The following ZNF608 variants were observed in gnomAD, a reference collection of about 807,000 sequenced individuals.
ZNF608 encodes renal carcinoma antigen NY-REN-36.
In ZNF608, 12 loss-of-function variants were observed where a neutral mutation model predicts 109.0. The observed-to-expected ratio is 0.11, with a 90% CI of 0.07 to 0.18. ZNF608 has a LOEUF of 0.18. Ranked by LOEUF, ZNF608 falls within the 10% of genes least tolerant of loss-of-function variation. The pLI is 1.00. For synonymous variants in ZNF608, 732 were observed against 717.4 expected (o/e 1.02, Z -0.33); for missense variants, 1,707 against 1,879.3 (o/e 0.91, Z 1.70).
chr5:124,639,974 TATATAG>T lies in ZNF608; in HGVS notation c.4451-766_4451-761del, dbSNP rs1397605971. ...TTTCTTCTCATATATACTTTATTTATATATAGATATAATGTGTTAGACTAGAAATAA... is the reference window on the plus strand; with the variant it reads ...TTTCTTCTCATATATACTTTATTTATATATAATGTGTTAGACTAGAAATAA... On this transcript the variant is annotated intron_variant, in intron 8 of 9. Transcript: ENST00000513986. Among the ~76,000 whole-genome samples, 3 of 152,304 alleles carry T rather than the reference TATATAG, an allele frequency of 2.0e-5. No homozygotes were observed. The South Asian group carries it at 6.2e-4, about 32-fold the overall frequency.
At chr5:124,682,450 C>G (rs1752237825) in intron 3 of ZNF608, among the ~76,000 whole-genome samples, 1 of 152,160 alleles carries the variant, frequency 6.6e-6, no homozygotes, top group South Asian at 2.1e-4. Context: ...AGAAATGAGT[C>G]AGGAAATAGT....
chr5:124,700,983 C>T (rs187542629), intron 3 of ZNF608, 31 bp downstream of exon 3: 4 of 1,609,292 alleles, frequency 2.5e-6, no homozygotes, highest in Non-Finnish European at 3.4e-6. Context: ...AAGAGGGCAT[C>T]GGGAAATATA....
At chr5:124,739,591 T>C (rs1452511287) in intron 2 of ZNF608, among the ~76,000 whole-genome samples, 5 of 152,212 alleles carry the variant, frequency 3.3e-5, no homozygotes, top group African/African-American at 1.2e-4. Context: ...ATAACCATTA[T>C]AAAGTGTTCA....
At position 124,709,122 on chromosome 5, in the gene ZNF608, G is replaced by T. The variant is rs1292654964; in HGVS notation, c.907-7853C>A. ...GGAGGCGGAGATTGCAGTGGGCCGAGACTGCACCATTGCCCTCCAGCCTGG... is the reference window on the plus strand; with the variant it reads ...GGAGGCGGAGATTGCAGTGGGCCGATACTGCACCATTGCCCTCCAGCCTGG... On this transcript the variant is annotated intron_variant, in intron 2 of 9. Transcript: ENST00000513986. Among the ~76,000 whole-genome samples, 3 of 129,624 alleles carry T rather than the reference G, an allele frequency of 2.3e-5. No individual in the cohort carries two copies. The Admixed American group carries it at 2.9e-4, about 13-fold the overall frequency. The allele number at this position is 129,624 out of a possible 152,430, so 85.0% of individuals were successfully genotyped here. A position where few individuals can be genotyped will look rare whatever the true frequency, so the allele number is the denominator to read the frequency against.
chr5:124,661,528 G>A lies in ZNF608; in HGVS notation c.1163-11831C>T, dbSNP rs147376030. On this transcript the variant is annotated intron_variant, in intron 3 of 9. Coordinates refer to ENST00000513986, the MANE Select transcript of ZNF608 (RefSeq NM_020747.3). ...ACAGAGTTACAAGTATTTCAATAACGTGCTTAGAGACCAGCTCTTTTCTGT... is the reference window on the plus strand; with the variant it reads ...ACAGAGTTACAAGTATTTCAATAACATGCTTAGAGACCAGCTCTTTTCTGT... 1.8e-3 allele frequency among the ~76,000 whole-genome samples: 265 copies of A among 150,600 alleles called. 1 individual carries two copies. The highest frequency in any genetic ancestry group is 7.3e-3 in the South Asian group (35 of 4,768).
intron 2 of ZNF608, 41 bp from the exon 3 acceptor site, chr5:124,701,310 G>A (rs766595807): frequency 2.2e-5 from 35 of 1,603,090 alleles, no homozygotes; most frequent in Non-Finnish European, 2.5e-5. Flanking sequence ...GCTGCATTCC[G>A]TGAATTCCTT....
chr5:124,641,102 T>TA (rs1221585802), intron 8 of ZNF608, 150 bp downstream of exon 8: 1 of 934,320 alleles, frequency 1.1e-6, no homozygotes, highest in Non-Finnish European at 1.7e-6. Context: ...GGAATAGCCT[T>TA]AGCTGTGTCA....
At position 124,745,015 on chromosome 5, in the gene ZNF608, A is replaced by C; in HGVS notation, c.-26T>G. On this transcript the variant is annotated 5_prime_UTR_variant, in exon 2 of 10. Transcript: ENST00000513986. ...CCTGAAGATGAGCTCTCTAGAATAAAAATCCGATGAACTTTTCTTTGGAGA... is the reference window on the plus strand; with the variant it reads ...CCTGAAGATGAGCTCTCTAGAATAACAATCCGATGAACTTTTCTTTGGAGA... 6.4e-7 allele frequency: 1 copy of C among 1,563,064 alleles called. No individual in the cohort carries two copies. The highest frequency in any genetic ancestry group is 8.6e-7 in the Non-Finnish European group (1 of 1,157,482).
intron 3 of ZNF608, among the ~76,000 whole-genome samples, chr5:124,675,536 C>T (rs984171390): frequency 6.6e-6 from 1 of 152,130 alleles, no homozygotes; most frequent in Admixed American, 6.6e-5. Flanking sequence ...TTTTTTATAG[C>T]AATATTGTAT....
intron 3 of ZNF608, among the ~76,000 whole-genome samples, chr5:124,674,888 C>G (rs1289750817): frequency 2.6e-5 from 4 of 152,110 alleles, no homozygotes; most frequent in Non-Finnish European, 4.4e-5. Context: ...GCTAGGATTA[C>G]AGGGGTGAGC....
intron 3 of ZNF608, among the ~76,000 whole-genome samples, chr5:124,669,210 C>G (rs1333790875): frequency 6.6e-6 from 1 of 152,126 alleles, no homozygotes; most frequent in African/African-American, 2.4e-5. Flanking sequence ...AACCTACTGA[C>G]TCAGCATCCC....
chr5:124,641,226 G>A (rs534529103), intron 8 of ZNF608, 26 bp downstream of exon 8: 4 of 1,613,078 alleles, frequency 2.5e-6, no homozygotes, highest in Non-Finnish European at 3.4e-6. Flanking sequence ...AATGGACAAA[G>A]ACACAGTAAT....
intron 3 of ZNF608, among the ~76,000 whole-genome samples, chr5:124,699,711 T>C (rs1318061229): frequency 6.6e-6 from 1 of 152,244 alleles, no homozygotes; most frequent in East Asian, 1.9e-4. Flanking sequence ...TTTTCTACCT[T>C]GAAACAGCTT....
At chr5:124,721,855 T>C (rs945703768) in intron 2 of ZNF608, among the ~76,000 whole-genome samples, 1 of 144,158 alleles carries the variant, frequency 6.9e-6, no homozygotes, top group African/African-American at 2.6e-5. Context: ...AGCAGGAGAA[T>C]TGCTTGAACC....
At chr5:124,708,511 C>T (rs1580669325) in intron 2 of ZNF608, among the ~76,000 whole-genome samples, 1 of 152,150 alleles carries the variant, frequency 6.6e-6, no homozygotes, top group Non-Finnish European at 1.5e-5. Context: ...ACCTGAATCA[C>T]CCTTTATTAC....
At chr5:124,673,060 A>G (rs1019499719) in intron 3 of ZNF608, among the ~76,000 whole-genome samples, 2 of 152,166 alleles carry the variant, frequency 1.3e-5, no homozygotes, top group African/African-American at 4.8e-5. Context: ...GGTACATGCA[A>G]TTAATACATT....
At chr5:124,641,200 C>A in intron 8 of ZNF608, 52 bp downstream of exon 8, 2 of 1,609,494 alleles carry the variant, frequency 1.2e-6, no homozygotes, top group Non-Finnish European at 1.7e-6. Flanking sequence ...ATTTTAGCAA[C>A]TGTTTTCCAA....
intron 3 of ZNF608, among the ~76,000 whole-genome samples, chr5:124,665,547 C>T (rs1275912482): frequency 1.3e-5 from 2 of 152,160 alleles, no homozygotes; most frequent in Non-Finnish European, 2.9e-5. Flanking sequence ...TTGGTTCTTT[C>T]CTTTTTTAAA....
chr5:124,709,079 G>C (rs1161671641), intron 2 of ZNF608, among the ~76,000 whole-genome samples: 1 of 146,866 alleles, frequency 6.8e-6, no homozygotes, highest in African/African-American at 2.5e-5. Context: ...GCTGAGGCAG[G>C]AGAATTGCTT....
Sources: allele counts gnomAD v4.1 joint callset (sites outside exome capture counted in the v4.1 genomes callset), GRCh38; gene constraint gnomAD v4.1.1; transcripts MANE v1.5; gene names NCBI Gene and HGNC (gene_info 2026-07-23, HGNC 2026-07-21).